Variants in PLEKHG1 observed in about 807,000 individuals in gnomAD.
PLEKHG1 encodes pleckstrin homology domain-containing family G member 1.
In PLEKHG1, 44 loss-of-function variants were observed where a neutral mutation model predicts 100.8. The ratio of observed to expected loss-of-function variants is 0.44; its 90% CI spans 0.34 to 0.56. PLEKHG1 has a LOEUF of 0.56. Ranked by LOEUF, PLEKHG1 falls within the 20% of genes least tolerant of loss-of-function variation. The pLI is 0.01. For synonymous variants in PLEKHG1, 640 were observed against 662.5 expected (o/e 0.97, Z 0.52); for missense variants, 1,545 against 1,720.9 (o/e 0.90, Z 1.81).
intron 1 of PLEKHG1, 53 bp from the exon 3 acceptor site, chr6:150,733,531 C>A: frequency 6.9e-7 from 1 of 1,452,848 alleles, no homozygotes; most frequent in Non-Finnish European, 9.2e-7. Context: ...TTTCAACCCT[C>A]TGCTTGATAG....
chr6:150,732,709 C>G (rs1751438721), intron 1 of PLEKHG1, among the ~76,000 whole-genome samples: 1 of 152,182 alleles, frequency 6.6e-6, no homozygotes, highest in Admixed American at 6.5e-5. Context: ...CCTCTGCCTC[C>G]CGGGTTCAAG....
At chr6:150,758,461 G>A (rs1445028605) in intron 2 of PLEKHG1, among the ~76,000 whole-genome samples, 6 of 151,820 alleles carry the variant, frequency 4.0e-5, no homozygotes, top group Admixed American at 3.3e-4. Flanking sequence ...TCAGCCTCCC[G>A]AGTAGCTGGA....
At chr6:150,611,594 C>G (rs575551139) in intron 1 of PLEKHG1, among the ~76,000 whole-genome samples, 76 of 152,184 alleles carry the variant, frequency 5.0e-4, no homozygotes, top group Admixed American at 1.4e-3. Context: ...GGTGGATCAC[C>G]TGAGGTCAGG....
chr6:150,750,215 G>A (rs961018112), intron 2 of PLEKHG1, among the ~76,000 whole-genome samples: 1 of 152,176 alleles, frequency 6.6e-6, no homozygotes, highest in Non-Finnish European at 1.5e-5. Context: ...TACATACACC[G>A]GTTTAGAGGG....
At chr6:150,830,470 A>G (rs1215730291) in intron 14 of PLEKHG1, 112 bp from the exon 16 acceptor site, 10 of 746,550 alleles carry the variant, frequency 1.3e-5, no homozygotes, top group Non-Finnish European at 1.9e-5. Flanking sequence ...AAAAAATAAA[A>G]GAATATTAAA....
At chr6:150,762,201 C>CTTT (rs112324631) in intron 2 of PLEKHG1, among the ~76,000 whole-genome samples, 6 of 144,402 alleles carry the variant, frequency 4.2e-5, no homozygotes, top group African/African-American at 1.3e-4. Flanking sequence ...CTCTCTTTTT[C>CTTT]TTTTTTTTTT....
intron 1 of PLEKHG1, among the ~76,000 whole-genome samples, chr6:150,602,938 G>A (rs979114266): frequency 1.1e-4 from 17 of 151,734 alleles, no homozygotes; most frequent in Non-Finnish European, 2.2e-4. Flanking sequence ...AAAATTAGCC[G>A]GGCGAGGTGG....
At chr6:150,763,024 C>CTTTTTTTTTT (rs60462437) in intron 2 of PLEKHG1, among the ~76,000 whole-genome samples, 2,420 of 76,254 alleles carry the variant, frequency 0.032, 159 homozygotes, top group Admixed American at 0.04. Context: ...GATAAAGCTT[C>CTTTTTTTTTT]TTTTTTTTTT....
chr6:150,712,325 G>A (rs1781270319), intron 3 of PLEKHG1, among the ~76,000 whole-genome samples: 2 of 152,152 alleles, frequency 1.3e-5, no homozygotes, highest in Admixed American at 1.3e-4. Context: ...AGCGGAGTGT[G>A]CAGACCTTTA....
At chr6:150,781,916 T>C (rs927455815) in intron 3 of PLEKHG1, among the ~76,000 whole-genome samples, 3 of 151,332 alleles carry the variant, frequency 2.0e-5, no homozygotes, top group Non-Finnish European at 2.9e-5. Flanking sequence ...GGACTACAGG[T>C]GCCTGCCACC....
At chr6:150,722,851 T>C (rs1781770567) in intron 1 of PLEKHG1, among the ~76,000 whole-genome samples, 1 of 152,204 alleles carries the variant, frequency 6.6e-6, no homozygotes, top group Non-Finnish European at 1.5e-5. Context: ...GGAGCTTGTA[T>C]ATATAACCAT....
chr6:150,649,873 G>A (rs1478366387), intron 2 of PLEKHG1, among the ~76,000 whole-genome samples: 4 of 152,174 alleles, frequency 2.6e-5, no homozygotes, highest in Non-Finnish European at 5.9e-5. Context: ...TTAGCCGGGC[G>A]TGGCGGCGTG....
chr6:150,807,264 C>T (rs1787177871), intron 7 of PLEKHG1, among the ~76,000 whole-genome samples: 1 of 152,092 alleles, frequency 6.6e-6, no homozygotes, highest in Non-Finnish European at 1.5e-5. Context: ...ATCCCCAGTT[C>T]CGGTAATCCA....
At chr6:150,618,787 A>C (rs1362717006) in intron 1 of PLEKHG1, among the ~76,000 whole-genome samples, 1 of 152,232 alleles carries the variant, frequency 6.6e-6, no homozygotes, top group Admixed American at 6.5e-5. Context: ...AAAGGGAAGA[A>C]ATGATGGAAA....
intron 3 of PLEKHG1, among the ~76,000 whole-genome samples, chr6:150,774,726 G>GA (rs1485954842): frequency 3.3e-5 from 5 of 151,618 alleles, no homozygotes; most frequent in African/African-American, 2.4e-5. Context: ...TTTTTGTAGA[G>GA]ACGGGGTTTC....
chr6:150,704,001 G>C (rs1024670872), intron 3 of PLEKHG1, among the ~76,000 whole-genome samples: 13 of 152,176 alleles, frequency 8.5e-5, no homozygotes, highest in African/African-American at 2.9e-4. Context: ...CTTTCACTCT[G>C]GTGAAGATCA....
intron 10 of PLEKHG1, 84 bp downstream of exon 11, chr6:150,809,818 GA>G: frequency 3.1e-6 from 3 of 970,768 alleles, no homozygotes; most frequent in Non-Finnish European, 4.8e-6. Flanking sequence ...ACTGTGAGCC[GA>G]GATCACATCA....
exon 16 of PLEKHG1, chr6:150,840,152 G>T (rs1562572218): frequency 8.1e-6 from 13 of 1,614,214 alleles, no homozygotes; most frequent in African/African-American, 1.3e-5. Flanking sequence ...CTGACCCTCT[G>T]CCAGGCTCTG....
intron 5 of PLEKHG1, 51 bp downstream of exon 6, chr6:150,795,953 T>G: frequency 8.6e-7 from 1 of 1,167,716 alleles, no homozygotes; most frequent in South Asian, 1.2e-5. Context: ...TCACATTGTT[T>G]CAAGTCAGCT....
Sources: allele counts gnomAD v4.1 joint callset (sites outside exome capture counted in the v4.1 genomes callset), GRCh38; gene constraint gnomAD v4.1.1; transcripts MANE v1.5; gene names NCBI Gene and HGNC (gene_info 2026-07-23, HGNC 2026-07-21).